Variants in SLC12A8 observed in about 807,000 individuals in gnomAD.
The protein encoded by SLC12A8 is solute carrier family 12 member 8.
Under a neutral mutation model 75.6 loss-of-function variants are expected in SLC12A8, and 69 were observed. The ratio of observed to expected loss-of-function variants is 0.91; its 90% CI spans 0.75 to 1.11. The LOEUF (loss-of-function observed/expected upper bound fraction) is 1.11. Among genes scored for constraint, SLC12A8 ranks in the 50% most tolerant of loss-of-function variants. SLC12A8 has a pLI of 0.00. For synonymous variants in SLC12A8, 365 were observed against 372.8 expected (o/e 0.98, Z 0.24); for missense variants, 877 against 896.7 (o/e 0.98, Z 0.28).
intron 6 of SLC12A8, among the ~76,000 whole-genome samples, chr3:125,125,450 T>G (rs1034728795): frequency 6.6e-6 from 1 of 152,116 alleles, no homozygotes; most frequent in Non-Finnish European, 1.5e-5. Flanking sequence ...TCCCAGCTAC[T>G]TGGGAGGCTG....
At chr3:125,209,533 C>T (rs1935294922) in intron 2 of SLC12A8, among the ~76,000 whole-genome samples, 2 of 152,222 alleles carry the variant, frequency 1.3e-5, no homozygotes, top group Non-Finnish European at 2.9e-5. Flanking sequence ...CACCCAATTC[C>T]TAGCCAGGTA....
At chr3:125,205,851 C>T (rs552471869) in intron 2 of SLC12A8, among the ~76,000 whole-genome samples, 44 of 152,188 alleles carry the variant, frequency 2.9e-4, no homozygotes, top group Admixed American at 5.2e-4. Flanking sequence ...TCATGCCCTA[C>T]AAGACCTGGG....
At chr3:125,127,678 C>A (rs1420454060) in intron 6 of SLC12A8, among the ~76,000 whole-genome samples, 1 of 152,144 alleles carries the variant, frequency 6.6e-6, no homozygotes, top group Non-Finnish European at 1.5e-5. Context: ...TGGAACCAGT[C>A]AGGCTGTGGA....
intron 2 of SLC12A8, among the ~76,000 whole-genome samples, chr3:125,210,396 A>G (rs1408437320): frequency 1.3e-5 from 2 of 152,200 alleles, no homozygotes; most frequent in African/African-American, 2.4e-5. Flanking sequence ...GTGGGGTCAG[A>G]CTGTATAGGG....
rs1934464681 is a variant in SLC12A8 at position 125,173,946 on chromosome 3, G to T, written c.622+3797C>A. Among the ~76,000 whole-genome samples the T allele has an allele frequency of 2.0e-5, 3 of 152,042 alleles. No individual in the cohort carries two copies. The East Asian group carries it at 5.8e-4, about 29-fold the overall frequency. On this transcript the variant is annotated intron_variant, in intron 5 of 13. Coordinates refer to ENST00000469902, the MANE Select transcript of SLC12A8 (RefSeq NM_024628.6). ...TCTCTGATAAAAATACAAAAAATTA[G>T]TCGGGCGTGGTGGTGCATGCCTGTA...
intron 7 of SLC12A8, 175 bp from the exon 8 acceptor site, chr3:125,119,031 T>C (rs1025957318): frequency 2.0e-6 from 1 of 507,350 alleles, no homozygotes; most frequent in Admixed American, 3.5e-5. Flanking sequence ...ATTTCTCTTC[T>C]GGCATATTTC....
At chr3:125,127,917 G>C (rs190928840) in intron 6 of SLC12A8, among the ~76,000 whole-genome samples, 4 of 151,524 alleles carry the variant, frequency 2.6e-5, no homozygotes, top group Non-Finnish European at 4.4e-5. Context: ...TCACTTTGTC[G>C]CCAGATTGGA....
Position 125,211,423 on chromosome 3 carries a change from C to G in SLC12A8, c.-45-29G>C, listed in dbSNP as rs114343928. ...GAAGGTAACAGCATCCTTGGTCAGGCTGGCTTCTCCTCTCCTCTCCCCTTG... is the reference window on the plus strand; with the variant it reads ...GAAGGTAACAGCATCCTTGGTCAGGGTGGCTTCTCCTCTCCTCTCCCCTTG... On this transcript the variant is annotated intron_variant, in intron 1 of 13. Transcript: ENST00000469902. The G allele has an allele frequency of 2.3e-3, 2,739 of 1,204,926 alleles. 52 individuals carry two copies. The African/African-American group carries it at 0.035, about 15-fold the overall frequency. 74.6% of individuals were successfully genotyped at this position (1,204,926 alleles called of 1,614,324 possible). A position where few individuals can be genotyped will look rare whatever the true frequency, so the allele number is the denominator to read the frequency against.
At chr3:125,186,304 C>T (rs1934780677) in intron 4 of SLC12A8, among the ~76,000 whole-genome samples, 1 of 152,178 alleles carries the variant, frequency 6.6e-6, no homozygotes, top group Non-Finnish European at 1.5e-5. Flanking sequence ...TTTGCCTTTC[C>T]TGCACTGTCT....
chr3:125,152,276 C>T (rs575625043), intron 5 of SLC12A8, among the ~76,000 whole-genome samples: 1 of 152,342 alleles, frequency 6.6e-6, no homozygotes, highest in African/African-American at 2.4e-5. Context: ...TAGGCCATAA[C>T]AGAAGTCCCT....
intron 7 of SLC12A8, among the ~76,000 whole-genome samples, chr3:125,119,604 C>T (rs1464982225): frequency 1.3e-5 from 2 of 152,182 alleles, no homozygotes; most frequent in Admixed American, 6.5e-5. Context: ...ATTCAGAAGC[C>T]TCTTTCTTTT....
intron 5 of SLC12A8, among the ~76,000 whole-genome samples, chr3:125,147,015 G>A (rs1044555366): frequency 2.0e-5 from 3 of 152,184 alleles, no homozygotes; most frequent in South Asian, 2.1e-4. Context: ...GTTTGCCGAC[G>A]TCTGGAATCC....
chr3:125,172,697 A>G (rs902601234), intron 5 of SLC12A8, among the ~76,000 whole-genome samples: 1 of 152,244 alleles, frequency 6.6e-6, no homozygotes, highest in Non-Finnish European at 1.5e-5. Flanking sequence ...ACGTGGACCA[A>G]TCTCCCTCTG....
intron 5 of SLC12A8, among the ~76,000 whole-genome samples, chr3:125,173,247 C>T (rs1485605474): frequency 6.6e-6 from 1 of 152,062 alleles, no homozygotes; most frequent in Non-Finnish European, 1.5e-5. Flanking sequence ...TGCTAACCAA[C>T]TTTAAGACTT....
At chr3:125,182,605 C>A (rs1402613485) in intron 4 of SLC12A8, among the ~76,000 whole-genome samples, 4 of 151,424 alleles carry the variant, frequency 2.6e-5, no homozygotes, top group African/African-American at 9.7e-5. Context: ...CTCCTGGGTT[C>A]AAGTGATTCT....
At chr3:125,211,700 CCCTTGAGGACA>C (rs1376323372) in intron 1 of SLC12A8, among the ~76,000 whole-genome samples, 5 of 152,162 alleles carry the variant, frequency 3.3e-5, no homozygotes, top group African/African-American at 1.2e-4. Context: ...TGCTGCCCAG[CCCTTGAGGACA>C]CAGAGTCACA....
At chr3:125,108,193 G>A in intron 9 of SLC12A8, 67 bp from the exon 10 acceptor site, 3 of 1,489,502 alleles carry the variant, frequency 2.0e-6, no homozygotes, top group Non-Finnish European at 1.8e-6. Context: ...GATTTCAGAA[G>A]TTACAGGCTA....
intron 2 of SLC12A8, among the ~76,000 whole-genome samples, chr3:125,200,676 GT>G (rs1447133250): frequency 6.6e-6 from 1 of 152,106 alleles, no homozygotes; most frequent in Non-Finnish European, 1.5e-5. Flanking sequence ...CTTAAAGATG[GT>G]GAATCCTTTT....
At chr3:125,120,769 G>GGGCTGGA in intron 6 of SLC12A8, 83 bp from the exon 7 acceptor site, 2 of 1,023,058 alleles carry the variant, frequency 2.0e-6, no homozygotes, top group Non-Finnish European at 3.0e-6. Context: ...CCTCTCCTGC[G>GGGCTGGA]GGACCCTCTC....
Sources: gnomAD v4.1 joint callset for allele counts (sites outside exome capture counted in the v4.1 genomes callset) on GRCh38, gnomAD v4.1.1 for gene constraint, MANE v1.5 for transcripts, NCBI Gene and HGNC (gene_info 2026-07-23, HGNC 2026-07-21) for gene names.